Variants in KCNQ3 observed in about 807,000 individuals in gnomAD.
KCNQ3 encodes potassium voltage-gated channel subfamily KQT member 3.
KCNQ3 carries 30 observed loss-of-function variants against 92.5 expected under a neutral mutation model. That is an observed-to-expected ratio of 0.32 (90% CI 0.24 to 0.44). The LOEUF (loss-of-function observed/expected upper bound fraction) is 0.44, where lower values mean the gene tolerates loss of function less well. Among genes scored for constraint, KCNQ3 ranks in the 20% least tolerant of loss-of-function variants. The pLI, the probability that KCNQ3 is intolerant of heterozygous loss-of-function variation, is 1.00. For synonymous variants in KCNQ3, 450 were observed against 468.8 expected (o/e 0.96, Z 0.52); for missense variants, 913 against 1,140.3 (o/e 0.80, Z 2.87).
chr8:132,268,405 T>A (rs1373959770), intron 1 of KCNQ3, among the ~76,000 whole-genome samples: 1 of 152,052 alleles, frequency 6.6e-6, no homozygotes, highest in Non-Finnish European at 1.5e-5. Context: ...ACTGGGAGCA[T>A]GTGTCATCAC....
At chr8:132,194,915 A>G (rs62519626) in intron 1 of KCNQ3, among the ~76,000 whole-genome samples, 17,646 of 152,210 alleles carry the variant, frequency 0.12, 1,916 homozygotes, top group African/African-American at 0.29. Flanking sequence ...AGCCTGCTAC[A>G]TCCTCCACTG....
chr8:132,142,251 T>C (rs1175700040), intron 9 of KCNQ3, among the ~76,000 whole-genome samples: 1 of 152,194 alleles, frequency 6.6e-6, no homozygotes, highest in East Asian at 1.9e-4. Flanking sequence ...AGAAAATGGT[T>C]AATAATGCCA....
intron 1 of KCNQ3, among the ~76,000 whole-genome samples, chr8:132,410,716 C>T (rs995758725): frequency 6.6e-6 from 1 of 152,208 alleles, no homozygotes; most frequent in African/African-American, 2.4e-5. Context: ...TCACATTTTT[C>T]TAACAGGAAT....
chr8:132,249,065 G>A (rs188625517), intron 1 of KCNQ3, among the ~76,000 whole-genome samples: 75 of 152,242 alleles, frequency 4.9e-4, no homozygotes, highest in African/African-American at 1.3e-3. Context: ...TTGTGGTCTC[G>A]CTGGCCTCAG....
At chr8:132,298,055 C>G (rs1586906121) in intron 1 of KCNQ3, among the ~76,000 whole-genome samples, 1 of 152,184 alleles carries the variant, frequency 6.6e-6, no homozygotes, top group Non-Finnish European at 1.5e-5. Flanking sequence ...GTCCGGCACC[C>G]AGACTGCAGA....
At chr8:132,430,214 C>A (rs1821212952) in intron 1 of KCNQ3, among the ~76,000 whole-genome samples, 1 of 152,142 alleles carries the variant, frequency 6.6e-6, no homozygotes, top group African/African-American at 2.4e-5. Context: ...GTATAAGCAT[C>A]AGGTGAAGTT....
chr8:132,299,228 G>A (rs1817141867), intron 1 of KCNQ3, among the ~76,000 whole-genome samples: 1 of 151,310 alleles, frequency 6.6e-6, no homozygotes, highest in African/African-American at 2.4e-5. Flanking sequence ...ATGATGCAAT[G>A]CATAATAGTG....
intron 1 of KCNQ3, among the ~76,000 whole-genome samples, chr8:132,382,933 G>A (rs1402966265): frequency 6.6e-6 from 1 of 152,208 alleles, no homozygotes; most frequent in Non-Finnish European, 1.5e-5. Flanking sequence ...TGGAGCTAAG[G>A]CAAGTACCTG....
intron 1 of KCNQ3, among the ~76,000 whole-genome samples, chr8:132,329,512 C>T (rs1405173247): frequency 6.6e-6 from 1 of 151,878 alleles, no homozygotes; most frequent in Non-Finnish European, 1.5e-5. Flanking sequence ...TCAAAGGCGA[C>T]ACATGTCTTT....
At chr8:132,465,455 G>C (rs1474187340) in intron 1 of KCNQ3, among the ~76,000 whole-genome samples, 1 of 152,098 alleles carries the variant, frequency 6.6e-6, no homozygotes, top group Admixed American at 6.5e-5. Flanking sequence ...GGCTGGGTAT[G>C]GCGGCTCATG....
chr8:132,194,964 A>T (rs1376509036), intron 1 of KCNQ3, among the ~76,000 whole-genome samples: 1 of 152,186 alleles, frequency 6.6e-6, no homozygotes, highest in Non-Finnish European at 1.5e-5. Flanking sequence ...TCAAAGAGTG[A>T]ATCTTTATGG....
intron 1 of KCNQ3, among the ~76,000 whole-genome samples, chr8:132,234,242 ATCAGG>A (rs1814733279): frequency 6.6e-6 from 1 of 151,600 alleles, no homozygotes; most frequent in Non-Finnish European, 1.5e-5. Context: ...GGAGCCTCAT[ATCAGG>A]TCTCACTTAG....
intron 1 of KCNQ3, among the ~76,000 whole-genome samples, chr8:132,434,463 G>A (rs182302536): frequency 1.3e-5 from 2 of 152,114 alleles, no homozygotes; most frequent in African/African-American, 2.4e-5. Context: ...TCTATTCCAA[G>A]CACCTAGAAC....
chr8:132,353,898 G>A (rs1008999532), intron 1 of KCNQ3, among the ~76,000 whole-genome samples: 3 of 152,226 alleles, frequency 2.0e-5, no homozygotes, highest in Non-Finnish European at 2.9e-5. Context: ...AGAGAACACT[G>A]TAAGCTCTAA....
intron 1 of KCNQ3, among the ~76,000 whole-genome samples, chr8:132,294,000 G>GTTTT (rs386414036): frequency 0.011 from 1,424 of 124,138 alleles, 56 homozygotes; most frequent in Middle Eastern, 0.027. Context: ...TGTGTGTGTG[G>GTTTT]TTTTTTTTTT....
At chr8:132,184,210 G>A in intron 3 of KCNQ3, 31 bp downstream of exon 3, 1 of 1,613,962 alleles carries the variant, frequency 6.2e-7, no homozygotes, top group Non-Finnish European at 8.5e-7. Flanking sequence ...AGGGAACTGA[G>A]GAGGCTGGGA....
intron 1 of KCNQ3, among the ~76,000 whole-genome samples, chr8:132,207,044 T>C (rs1317381962): frequency 1.3e-5 from 2 of 152,224 alleles, no homozygotes; most frequent in African/African-American, 2.4e-5. Context: ...AAAATATGTA[T>C]AGCCATTGTC....
chr8:132,208,965 C>T (rs1225554912), intron 1 of KCNQ3, among the ~76,000 whole-genome samples: 1 of 152,072 alleles, frequency 6.6e-6, no homozygotes, highest in Non-Finnish European at 1.5e-5. Flanking sequence ...AAGCAGGGAG[C>T]ATTTTGGCCT....
intron 1 of KCNQ3, among the ~76,000 whole-genome samples, chr8:132,369,326 AGG>A (rs773074598): frequency 2.6e-4 from 40 of 152,250 alleles, no homozygotes; most frequent in Non-Finnish European, 4.9e-4. Flanking sequence ...CTCATACTTA[AGG>A]GGTGGGGAGT....
Sources: gnomAD v4.1 joint callset for allele counts (sites outside exome capture counted in the v4.1 genomes callset) on GRCh38, gnomAD v4.1.1 for gene constraint, MANE v1.5 for transcripts, NCBI Gene and HGNC (gene_info 2026-07-23, HGNC 2026-07-21) for gene names.